ANGPTL5: variants seen among roughly 807,000 people sequenced by gnomAD.
The protein encoded by ANGPTL5 is angiopoietin-related protein 5.
In ANGPTL5, 34 loss-of-function variants were observed where a neutral mutation model predicts 39.4. That is an observed-to-expected ratio of 0.86 (90% CI 0.66 to 1.15). The LOEUF is 1.15. Ranked by LOEUF, ANGPTL5 falls within the 50% of genes most tolerant of loss-of-function variation. The probability of loss-of-function intolerance (pLI) is 0.00; values close to 1 mark genes in which losing one functional copy is unlikely to be tolerated. For missense variants in ANGPTL5, 467 were observed against 457.5 expected, an observed-to-expected ratio of 1.02 and a Z score of -0.19; for synonymous variants, 146 against 152.1, an observed-to-expected ratio of 0.96 and a Z score of 0.29.
intron 1 of ANGPTL5, among the ~76,000 whole-genome samples, chr11:101,913,273 G>A (rs1940122922): frequency 6.6e-6 from 1 of 152,180 alleles, no homozygotes; most frequent in Non-Finnish European, 1.5e-5. Context: ...TAATTGTAAT[G>A]CAATTAAATG....
intron 7 of ANGPTL5, among the ~76,000 whole-genome samples, chr11:101,898,887 G>T (rs531998405): frequency 6.6e-6 from 1 of 152,074 alleles, no homozygotes; most frequent in Non-Finnish European, 1.5e-5. Flanking sequence ...GCTTTTCTGC[G>T]TTTATTGAGA....
intron 1 of ANGPTL5, chr11:101,915,563 C>A: frequency 9.9e-7 from 1 of 1,011,264 alleles, no homozygotes; most frequent in Non-Finnish European, 1.4e-6. Context: ...TGTCGTGTCT[C>A]ACCTTAGACC....
chr11:101,892,556 C>T (rs1039086798), intron 8 of ANGPTL5, among the ~76,000 whole-genome samples: 3 of 152,128 alleles, frequency 2.0e-5, no homozygotes, highest in Non-Finnish European at 4.4e-5. Context: ...TGGTATCCCT[C>T]GTATTTACAA....
chr11:101,903,591 CA>C (rs1377318279), intron 5 of ANGPTL5, among the ~76,000 whole-genome samples: 1 of 152,118 alleles, frequency 6.6e-6, no homozygotes, highest in Non-Finnish European at 1.5e-5. Context: ...ATGCCATCTA[CA>C]AAAAGTTAGC....
chr11:101,915,168 G>C, intron 1 of ANGPTL5: 1 of 1,479,872 alleles, frequency 6.8e-7, no homozygotes, highest in Non-Finnish European at 9.1e-7. Flanking sequence ...TTCCGCGCCC[G>C]TGACGCGGGG....
chr11:101,896,199 T>G (rs1346772164), intron 7 of ANGPTL5, among the ~76,000 whole-genome samples: 1 of 148,074 alleles, frequency 6.8e-6, no homozygotes, highest in East Asian at 2.0e-4. Context: ...TATTTATTTA[T>G]TTATTGAGAG....
At chr11:101,904,594 T>C (rs939949752) in intron 5 of ANGPTL5, among the ~76,000 whole-genome samples, 1 of 152,224 alleles carries the variant, frequency 6.6e-6, no homozygotes, top group African/African-American at 2.4e-5. Flanking sequence ...GATATCTTTA[T>C]ACAGCCATGG....
At position 101,907,254 on chromosome 11, in the gene ANGPTL5, A is replaced by G. The variant is rs769194847; in HGVS notation, c.97-7T>C. On this transcript the variant is annotated splice_region_variant and splice_polypyrimidine_tract_variant and intron_variant, in intron 2 of 8. Transcript: ENST00000334289. ...TGTTAACTACTGAAGAGTCCTTTAT[A>G]TTAAAAAATAGAAATAAGAAAAAAA... 4.2e-6 allele frequency: 6 copies of G among 1,431,208 alleles called. No homozygotes were observed. In the African/African-American group the frequency reaches 8.7e-5, roughly 21 times the overall value. The allele number at this position is 1,431,208 out of a possible 1,614,324, so 88.7% of individuals were successfully genotyped here.
At chr11:101,911,614 A>G (rs1167884808) in intron 1 of ANGPTL5, among the ~76,000 whole-genome samples, 4 of 152,150 alleles carry the variant, frequency 2.6e-5, no homozygotes, top group Non-Finnish European at 5.9e-5. Flanking sequence ...TGCTCCTGCC[A>G]TGTAAGATGC....
intron 5 of ANGPTL5, among the ~76,000 whole-genome samples, chr11:101,903,640 G>A (rs1468373007): frequency 6.6e-6 from 1 of 152,112 alleles, no homozygotes; most frequent in Non-Finnish European, 1.5e-5. Context: ...GTCTCTGGGA[G>A]ACATAGATTT....
At chr11:101,913,736 A>C (rs1479549784) in intron 1 of ANGPTL5, among the ~76,000 whole-genome samples, 1 of 152,158 alleles carries the variant, frequency 6.6e-6, no homozygotes, top group African/African-American at 2.4e-5. Context: ...AAATATTCCA[A>C]ATAGCAACTC....
In ANGPTL5 at chr11:101,904,128, T is replaced by C. The variant is rs189587448; in HGVS notation, c.439+686A>G. 8.5e-4 allele frequency among the ~76,000 whole-genome samples: 129 copies of C among 152,230 alleles called. 1 individual carries two copies. Among genetic ancestry groups the C allele is most frequent in the African/African-American group, 3.0e-3 (124 of 41,546 alleles). On this transcript the variant is annotated intron_variant, in intron 5 of 8. Coordinates refer to ENST00000334289, the MANE Select transcript of ANGPTL5 (RefSeq NM_178127.5). The stretch of plus-strand genomic sequence containing the variant: ...CAGTTATGAGATATAATAAAATAAT[T>C]TTAATAACAAAATAATGTGAGAAAG...
At chr11:101,895,198 A>G in intron 7 of ANGPTL5, 134 bp from the exon 8 acceptor site, 1 of 722,032 alleles carries the variant, frequency 1.4e-6, no homozygotes, top group Non-Finnish European at 2.2e-6. Flanking sequence ...GCACTGGATG[A>G]CCTAGCTCAA....
chr11:101,914,547 C>G (rs915374020), intron 1 of ANGPTL5, among the ~76,000 whole-genome samples: 5 of 152,146 alleles, frequency 3.3e-5, no homozygotes, highest in African/African-American at 1.2e-4. Context: ...ATGCCAGAAG[C>G]ATTACCGAGT....
intron 3 of ANGPTL5, 61 bp downstream of exon 3, chr11:101,907,042 T>A: frequency 7.9e-7 from 1 of 1,272,144 alleles, no homozygotes; most frequent in Non-Finnish European, 1.1e-6. Flanking sequence ...TACTTTTCAG[T>A]GTCTACCCTA....
intron 6 of ANGPTL5, among the ~76,000 whole-genome samples, chr11:101,901,870 A>G (rs1939906459): frequency 6.6e-6 from 1 of 152,052 alleles, no homozygotes; most frequent in African/African-American, 2.4e-5. Flanking sequence ...GACTATCAAT[A>G]AGGTATAAGT....
chr11:101,908,022 AC>A, intron 1 of ANGPTL5, 21 bp from the exon 2 acceptor site: 1 of 783,532 alleles, frequency 1.3e-6, no homozygotes, highest in South Asian at 1.5e-5. Context: ...TACAACAAAA[AC>A]ATAAGCCAAA....
Position 101,891,240 on chromosome 11 carries a change from A to G in ANGPTL5, c.*39T>C. On this transcript the variant is annotated 3_prime_UTR_variant, in exon 9 of 9. Coordinates refer to ENST00000334289, the MANE Select transcript of ANGPTL5 (RefSeq NM_178127.5). Reference sequence around the variant, plus strand: ...ATAAACTTTTAAAAATCTTTAATATATTATCATTGTAGAACTTGCATTACA... The same window carrying G: ...ATAAACTTTTAAAAATCTTTAATATGTTATCATTGTAGAACTTGCATTACA... 1.3e-6 allele frequency: 2 copies of G among 1,544,062 alleles called. No homozygotes were observed. The highest frequency in any genetic ancestry group is 8.9e-7 in the Non-Finnish European group (1 of 1,124,248).
rs145862823 is a variant in ANGPTL5 at position 101,909,306 on chromosome 11, G to A, written c.-92-1305C>T. Among the ~76,000 whole-genome samples, 1,315 of 152,304 alleles carry A rather than the reference G, an allele frequency of 8.6e-3. 4 individuals carry two copies. The highest frequency in any genetic ancestry group is 0.022 in the South Asian group (105 of 4,818). ...GTGAGACAGTATGAGATGGTTGGGA[G>A]TGCCGGCTCCAAGACCAGATTGCCT... On this transcript the variant is annotated intron_variant, in intron 1 of 8. Coordinates refer to ENST00000334289, the MANE Select transcript of ANGPTL5 (RefSeq NM_178127.5).
Sources: gnomAD v4.1 joint callset for allele counts (sites outside exome capture counted in the v4.1 genomes callset) on GRCh38, gnomAD v4.1.1 for gene constraint, MANE v1.5 for transcripts, NCBI Gene and HGNC (gene_info 2026-07-23, HGNC 2026-07-21) for gene names.